Variants in MAGI2 observed in about 807,000 individuals in gnomAD.
MAGI2 encodes membrane-associated guanylate kinase, WW and PDZ domain-containing protein 2.
In MAGI2, 35 loss-of-function variants were observed where a neutral mutation model predicts 133.3. The observed-to-expected ratio is 0.26, with a 90% CI of 0.20 to 0.35. The LOEUF is 0.35. MAGI2 is among the 10% of genes least tolerant of loss of function. The pLI, the probability that MAGI2 is intolerant of heterozygous loss-of-function variation, is 1.00. For synonymous variants in MAGI2, 729 were observed against 710.6 expected (o/e 1.03, Z -0.41); for missense variants, 1,636 against 1,863.4 (o/e 0.88, Z 2.25).
intron 2 of MAGI2, among the ~76,000 whole-genome samples, chr7:78,903,587 T>C (rs1156503900): frequency 2.6e-5 from 4 of 152,070 alleles, no homozygotes; most frequent in Admixed American, 1.3e-4. Flanking sequence ...AATAAGACAA[T>C]GGAGTGAGAA....
chr7:78,893,255 A>G (rs1048044362), intron 2 of MAGI2, among the ~76,000 whole-genome samples: 1 of 152,188 alleles, frequency 6.6e-6, no homozygotes, highest in Non-Finnish European at 1.5e-5. Flanking sequence ...GATGTGGAGA[A>G]ACAGGAACAC....
At chr7:78,568,606 C>T (rs983455715) in intron 3 of MAGI2, among the ~76,000 whole-genome samples, 12 of 152,170 alleles carry the variant, frequency 7.9e-5, no homozygotes, top group African/African-American at 2.2e-4. Flanking sequence ...ATGACCACTT[C>T]TCAGTGGTTC....
At chr7:78,080,604 G>A (rs1246858788) in intron 20 of MAGI2, among the ~76,000 whole-genome samples, 1 of 152,062 alleles carries the variant, frequency 6.6e-6, no homozygotes, top group Admixed American at 6.6e-5. Context: ...TTCCAATGAA[G>A]TTACATATAG....
chr7:78,658,713 T>A (rs995435138), intron 2 of MAGI2, among the ~76,000 whole-genome samples: 3 of 152,264 alleles, frequency 2.0e-5, no homozygotes, highest in South Asian at 2.1e-4. Flanking sequence ...CATACAATAA[T>A]GTTCAACATC....
chr7:78,662,116 C>G (rs1310707886), intron 2 of MAGI2, among the ~76,000 whole-genome samples: 1 of 152,046 alleles, frequency 6.6e-6, no homozygotes, highest in Non-Finnish European at 1.5e-5. Flanking sequence ...TTAAAGGGCC[C>G]AAGGCTTTAT....
At chr7:78,092,774 A>T (rs60625153) in intron 20 of MAGI2, among the ~76,000 whole-genome samples, 53,537 of 151,978 alleles carry the variant, frequency 0.35, 10,879 homozygotes, top group African/African-American at 0.57. Flanking sequence ...AATTCCACAT[A>T]CATCCCTTGG....
intron 3 of MAGI2, among the ~76,000 whole-genome samples, chr7:78,525,192 ATTAG>A (rs1441652711): frequency 3.9e-5 from 6 of 152,230 alleles, no homozygotes; most frequent in African/African-American, 1.4e-4. Context: ...AATATGAATC[ATTAG>A]TTAAGACATT....
intron 1 of MAGI2, among the ~76,000 whole-genome samples, chr7:79,358,556 T>C (rs1408716461): frequency 6.6e-6 from 1 of 152,088 alleles, no homozygotes; most frequent in Non-Finnish European, 1.5e-5. Flanking sequence ...GAAATAGAGA[T>C]GCAATCACAG....
At chr7:78,745,868 G>A (rs1822881943) in intron 2 of MAGI2, among the ~76,000 whole-genome samples, 1 of 152,138 alleles carries the variant, frequency 6.6e-6, no homozygotes, top group African/African-American at 2.4e-5. Context: ...TGCTTTATGA[G>A]TTGATAGTGG....
At chr7:78,109,243 G>C (rs1430830471) in intron 20 of MAGI2, among the ~76,000 whole-genome samples, 1 of 123,890 alleles carries the variant, frequency 8.1e-6, no homozygotes, top group African/African-American at 3.0e-5. Flanking sequence ...GGCGGAGCTT[G>C]CAGTGAGCCG....
At chr7:78,063,904 A>T (rs752752917) in intron 21 of MAGI2, among the ~76,000 whole-genome samples, 1 of 152,116 alleles carries the variant, frequency 6.6e-6, no homozygotes, top group Non-Finnish European at 1.5e-5. Context: ...TATCCCTAGC[A>T]ATGAGCAACA....
intron 10 of MAGI2, among the ~76,000 whole-genome samples, chr7:78,235,558 C>T (rs1427633384): frequency 6.6e-6 from 1 of 152,018 alleles, no homozygotes. Flanking sequence ...GACTTTTCCC[C>T]CTTTGCTTGG....
intron 2 of MAGI2, among the ~76,000 whole-genome samples, chr7:78,898,396 A>G (rs1797369351): frequency 6.6e-6 from 1 of 152,226 alleles, no homozygotes; most frequent in African/African-American, 2.4e-5. Context: ...AAGACATGGA[A>G]TCAACCTAAA....
chr7:79,236,083 T>G (rs1193016171), intron 1 of MAGI2, among the ~76,000 whole-genome samples: 4 of 152,194 alleles, frequency 2.6e-5, no homozygotes, highest in African/African-American at 9.6e-5. Context: ...AAGACTAGCT[T>G]TGGAAGAAGG....
intron 1 of MAGI2, among the ~76,000 whole-genome samples, chr7:79,253,988 AAAACAAAAC>A (rs1322524873): frequency 1.4e-3 from 35 of 25,760 alleles, no homozygotes; most frequent in Non-Finnish European, 4.9e-3. Context: ...CCTTCAAAAC[AAAACAAAAC>A]AAAACAAAAC....
chr7:79,227,810 C>T (rs1286879712), intron 1 of MAGI2, among the ~76,000 whole-genome samples: 1 of 152,170 alleles, frequency 6.6e-6, no homozygotes, highest in Non-Finnish European at 1.5e-5. Context: ...TGTCTCTAAA[C>T]TCAAGACTCT....
At chr7:79,315,709 T>C (rs180876570) in intron 1 of MAGI2, among the ~76,000 whole-genome samples, 415 of 152,174 alleles carry the variant, frequency 2.7e-3, no homozygotes, top group African/African-American at 9.4e-3. Context: ...AAAGGAGATA[T>C]TGTTAATGGT....
chr7:79,345,738 C>T (rs1201356381), intron 1 of MAGI2, among the ~76,000 whole-genome samples: 1 of 152,094 alleles, frequency 6.6e-6, no homozygotes, highest in Non-Finnish European at 1.5e-5. Flanking sequence ...GGCTAAATCA[C>T]TTCTTGGTTC....
intron 2 of MAGI2, among the ~76,000 whole-genome samples, chr7:78,963,705 T>C (rs1318495317): frequency 6.6e-6 from 1 of 151,898 alleles, no homozygotes; most frequent in Non-Finnish European, 1.5e-5. Context: ...ACGCTCCATA[T>C]ATATATATTC....
Sources: gnomAD v4.1 joint callset for allele counts (sites outside exome capture counted in the v4.1 genomes callset) on GRCh38, gnomAD v4.1.1 for gene constraint, MANE v1.5 for transcripts, NCBI Gene and HGNC (gene_info 2026-07-23, HGNC 2026-07-21) for gene names.